The following SARS2 variants were observed in gnomAD, a reference collection of about 807,000 sequenced individuals.
SARS2 encodes the protein serine--tRNA ligase, mitochondrial.
In SARS2, 52 loss-of-function variants were observed where a neutral mutation model predicts 66.8. That is an observed-to-expected ratio of 0.78 (90% CI 0.62 to 0.98). SARS2 has a LOEUF of 0.98. Among genes scored for constraint, SARS2 ranks in the 50% least tolerant of loss-of-function variants. The pLI is 0.00. For missense variants in SARS2, 673 were observed against 706.3 expected, an observed-to-expected ratio of 0.95 and a Z score of 0.53; for synonymous variants, 306 against 281.4, an observed-to-expected ratio of 1.09 and a Z score of -0.87.
intron 1 of SARS2, among the ~76,000 whole-genome samples, chr19:38,929,847 G>A (rs188311812): frequency 3.7e-4 from 56 of 152,304 alleles, no homozygotes; most frequent in African/African-American, 1.3e-3. Context: ...TCAACACAGA[G>A]ATATTGTGAA....
In SARS2 at chr19:38,918,089, G is replaced by T. The variant is rs778973299; in HGVS notation, c.962+5C>A. On this transcript the variant is annotated splice_donor_5th_base_variant and intron_variant, in intron 10 of 15. Transcript: ENST00000221431. ...GGGTCAAGGTCTAAGGAAACCAGGT[G>T]TCACCTGACTGGCAGGTCCCTGAAG... 6.2e-7 allele frequency: 1 copy of T among 1,606,844 alleles called. No homozygotes were observed. The highest frequency in any genetic ancestry group is 1.7e-5 in the Admixed American group (1 of 58,714).
chr19:38,921,054 G>C (rs1974522905), intron 5 of SARS2, among the ~76,000 whole-genome samples: 1 of 123,272 alleles, frequency 8.1e-6, no homozygotes, highest in African/African-American at 4.1e-5. Context: ...CACAGATACA[G>C]ACACACACAT....
chr19:38,920,964 GATACAGACACACACAAACACAGAC>G (rs1422896459), intron 5 of SARS2, among the ~76,000 whole-genome samples: 5 of 88,894 alleles, frequency 5.6e-5, no homozygotes, highest in Admixed American at 3.0e-4. Context: ...CACAGACACA[GATACAGACACACACAAACACAGAC>G]ACACACACAC....
At position 38,921,647 on chromosome 19, in the gene SARS2, C is replaced by A. The variant is rs1198321582; in HGVS notation, c.414G>T (p.Leu138=). 1.9e-6 allele frequency: 3 copies of A among 1,614,108 alleles called. No individual in the cohort carries two copies. The highest frequency in any genetic ancestry group is 2.2e-5 in the South Asian group (2 of 91,090). The change falls in exon 4 of 16, where the codon CTG becomes CTT. Residue 138 remains leucine (L), a synonymous_variant. Coordinates refer to ENST00000221431, the MANE Select transcript of SARS2 (RefSeq NM_017827.4). ...TCCGGATCTCCCGGCCACGTGCCCGCAGACCCTGGTACTTGGGGTCCTGGG... is the reference window on the plus strand; with the variant it reads ...TCCGGATCTCCCGGCCACGTGCCCGAAGACCCTGGTACTTGGGGTCCTGGG... ...EVQQDPKYQG[L]RARGREIRKE...
chr19:38,923,410 G>A (rs1428083855), intron 2 of SARS2, among the ~76,000 whole-genome samples: 9 of 145,684 alleles, frequency 6.2e-5, no homozygotes, highest in African/African-American at 2.3e-4. Flanking sequence ...TTTTAGTAGA[G>A]ACGGGGTTTC....
chr19:38,926,252 G>C lies in SARS2; in HGVS notation c.316C>G (p.Leu106Val). Residue 106 changes from leucine (L) to valine (V), a missense_variant, in exon 2 of 16, where the codon CTG becomes GTG. Leu to Val is a conservative substitution (Grantham distance 32). Coordinates refer to ENST00000221431, the MANE Select transcript of SARS2 (RefSeq NM_017827.4). ...LRQLQEQIRS[L>V]EEEKAAVTEA... ...GTCACAGCTGCCTTCTCTTCCTCCA[G>C]GCTCCGGATCTGCTCCTGCAGCTGC... The C allele has an allele frequency of 6.2e-7, 1 of 1,606,344 alleles. No individual in the cohort carries two copies. The highest frequency in any genetic ancestry group is 8.5e-7 in the Non-Finnish European group (1 of 1,179,976).
At chr19:38,916,790 G>A (rs910158828) in intron 12 of SARS2, among the ~76,000 whole-genome samples, 2 of 151,810 alleles carry the variant, frequency 1.3e-5, no homozygotes, top group East Asian at 3.9e-4. Flanking sequence ...AGCCTCCTGA[G>A]TAGATGGGAT....
Position 38,930,669 on chromosome 19 carries a change from C to T in SARS2, c.68G>A (p.Gly23Asp), listed in dbSNP as rs1275658950. Residue 23 changes from glycine to aspartate, a missense_variant, in exon 1 of 16, where the codon GGC (glycine) becomes GAC (aspartate). Gly to Asp is a moderately conservative substitution (Grantham distance 94). Transcript: ENST00000221431. Reference sequence around the variant, plus strand: ...CCTTGGACTATCGTTGGAGATGCAGCCTCCCCGGGGCCGGAACCCCCGACG... The same window carrying T: ...CCTTGGACTATCGTTGGAGATGCAGTCTCCCCGGGGCCGGAACCCCCGACG... Reference protein sequence around the residue: ...LTRRGFRPRGGCISNDSPRRS... With the variant: ...LTRRGFRPRGDCISNDSPRRS... The T allele has an allele frequency of 7.4e-6, 12 of 1,613,980 alleles. No individual in the cohort carries two copies. The highest frequency in any genetic ancestry group is 2.2e-5 in the East Asian group (1 of 44,900).
intron 1 of SARS2, among the ~76,000 whole-genome samples, chr19:38,926,776 G>A (rs371204953): frequency 1.4e-4 from 21 of 151,668 alleles, no homozygotes; most frequent in African/African-American, 4.4e-4. Context: ...CAACAAGAGT[G>A]AAACTCTGTC....
Position 38,915,548 on chromosome 19 carries a change from G to C in SARS2, c.*58C>G, listed in dbSNP as rs558856419. ...TCAGCAACACAGGTCCCAGGTGTCCGGGGTCTCCTGAACTCCAGGAAGCAG... is the reference window on the plus strand; with the variant it reads ...TCAGCAACACAGGTCCCAGGTGTCCCGGGTCTCCTGAACTCCAGGAAGCAG... On this transcript the variant is annotated 3_prime_UTR_variant, in exon 16 of 16. Transcript: ENST00000221431. The C allele has an allele frequency of 2.5e-6, 4 of 1,590,754 alleles. No individual in the cohort carries two copies. The Admixed American group carries it at 5.0e-5, about 20-fold the overall frequency.
intron 14 of SARS2, 34 bp from the exon 15 acceptor site, chr19:38,915,940 C>A: frequency 6.2e-7 from 1 of 1,613,284 alleles, no homozygotes; most frequent in East Asian, 2.2e-5. Flanking sequence ...CTGGCGCCCA[C>A]CCCAAGCTGA....
At chr19:38,915,930 C>T (rs1974405281) in intron 14 of SARS2, 24 bp from the exon 15 acceptor site, 1 of 1,613,354 alleles carries the variant, frequency 6.2e-7, no homozygotes, top group South Asian at 1.1e-5. Context: ...ATGCTCGGAA[C>T]TGGCGCCCAC....
chr19:38,915,923 C>G lies in SARS2; in HGVS notation c.1348-17G>C, dbSNP rs762173113. 3 of 1,613,592 alleles carry G rather than the reference C, an allele frequency of 1.9e-6. No homozygotes were observed. Among genetic ancestry groups the G allele is most frequent in the Non-Finnish European group, 2.5e-6 (3 of 1,179,942 alleles). On this transcript the variant is annotated splice_polypyrimidine_tract_variant and intron_variant, in intron 14 of 15. Transcript: ENST00000221431. ...GGCGTTCACCTGTGAGACAGCCATGCTCGGAACTGGCGCCCACCCCAAGCT... is the reference window on the plus strand; with the variant it reads ...GGCGTTCACCTGTGAGACAGCCATGGTCGGAACTGGCGCCCACCCCAAGCT...
intron 8 of SARS2, 63 bp from the exon 9 acceptor site, chr19:38,918,593 G>A: frequency 6.8e-7 from 1 of 1,464,506 alleles, no homozygotes; most frequent in Non-Finnish European, 9.6e-7. Flanking sequence ...TCGTTTTACA[G>A]TCCCAACCCC....
chr19:38,917,148 C>T (rs752304818), intron 12 of SARS2, among the ~76,000 whole-genome samples: 4 of 150,926 alleles, frequency 2.7e-5, no homozygotes, highest in Non-Finnish European at 4.4e-5. Context: ...AACGTAAAGA[C>T]GAGCTCTCGC....
intron 9 of SARS2, 130 bp from the exon 10 acceptor site, chr19:38,918,269 G>A (rs933976558): frequency 1.7e-6 from 2 of 1,170,548 alleles, no homozygotes; most frequent in South Asian, 2.6e-5. Flanking sequence ...TCACTGTACT[G>A]CTGTACAGTA....
intron 1 of SARS2, among the ~76,000 whole-genome samples, chr19:38,928,044 C>G (rs776649508): frequency 1.3e-4 from 20 of 151,472 alleles, no homozygotes; most frequent in Non-Finnish European, 2.2e-4. Context: ...AACAAACAAA[C>G]AAACAGCTGC....
At position 38,921,064 on chromosome 19, in the gene SARS2, TACAGATACAGACAC is replaced by T. The variant is rs1974523612; in HGVS notation, c.589+314_589+327del. 4.7e-5 allele frequency among the ~76,000 whole-genome samples: 4 copies of T among 84,280 alleles called. No individual in the cohort carries two copies. In the Admixed American group the frequency reaches 5.2e-4, roughly 11 times the overall value. The allele number at this position is 84,280 out of a possible 152,430, so 55.3% of individuals were successfully genotyped here. ...AGATACACAGATACAGACACACACA[TACAGATACAGACAC>T]ACAGATACAGACACACATGACACAC... On this transcript the variant is annotated intron_variant, in intron 5 of 15. Coordinates refer to ENST00000221431, the MANE Select transcript of SARS2 (RefSeq NM_017827.4).
chr19:38,919,273 C>T (rs983508715), intron 7 of SARS2, among the ~76,000 whole-genome samples: 3 of 152,140 alleles, frequency 2.0e-5, no homozygotes, highest in African/African-American at 4.8e-5. Flanking sequence ...GGTGACAGAG[C>T]GAGACTCCGT....
Sources: gnomAD v4.1 joint callset for allele counts (sites outside exome capture counted in the v4.1 genomes callset) on GRCh38, gnomAD v4.1.1 for gene constraint, MANE v1.5 for transcripts, NCBI Gene and HGNC (gene_info 2026-07-23, HGNC 2026-07-21) for gene names.